Variants in PSPC1 observed in about 807,000 individuals in gnomAD.
PSPC1 encodes the protein paraspeckle component 1, also known as paraspeckle protein 1.
Under a neutral mutation model 51.6 loss-of-function variants are expected in PSPC1, and 14 were observed. The ratio of observed to expected loss-of-function variants is 0.27; its 90% CI spans 0.18 to 0.42. The LOEUF (loss-of-function observed/expected upper bound fraction) is 0.42, where lower values mean the gene tolerates loss of function less well. Among genes scored for constraint, PSPC1 ranks in the 10% least tolerant of loss-of-function variants. The pLI is 1.00. For missense variants in PSPC1, 406 were observed against 701.1 expected (o/e 0.58, Z 4.75); for synonymous variants, 193 against 231.9 (o/e 0.83, Z 1.53).
At chr13:19,768,512 G>A (rs764129551) in intron 2 of PSPC1, among the ~76,000 whole-genome samples, 4 of 150,792 alleles carry the variant, frequency 2.7e-5, no homozygotes, top group Non-Finnish European at 5.9e-5. Flanking sequence ...GCCGGACATG[G>A]TGGCTGGCGC....
chr13:19,746,760 C>A (rs1481259722), intron 4 of PSPC1, among the ~76,000 whole-genome samples: 1 of 151,798 alleles, frequency 6.6e-6, no homozygotes, highest in Non-Finnish European at 1.5e-5. Context: ...AAATAATTAT[C>A]AGTAAAGTAT....
At chr13:19,679,391 C>T (rs763846292) in intron 6 of PSPC1, among the ~76,000 whole-genome samples, 1 of 152,090 alleles carries the variant, frequency 6.6e-6, no homozygotes, top group Non-Finnish European at 1.5e-5. Context: ...AACTAATTGG[C>T]AGGCTGAAGC....
intron 3 of PSPC1, among the ~76,000 whole-genome samples, chr13:19,751,704 T>C (rs1039186148): frequency 6.6e-6 from 1 of 152,208 alleles, no homozygotes; most frequent in Non-Finnish European, 1.5e-5. Context: ...TGCATTCTCC[T>C]AATTATTACC....
rs1392154840 is a variant in PSPC1, at chr13:19,709,536, C to T, written c.1216+6G>A. On this transcript the variant is annotated splice_donor_region_variant and intron_variant, in intron 7 of 8. Coordinates refer to ENST00000338910, the MANE Select transcript of PSPC1 (RefSeq NM_001354909.2). ...ATTACAAAAGCCTTTTGCTTCAAAT[C>T]CCTACCTCCCATGTTTATTGCTCCA... The T allele has an allele frequency of 6.2e-7, 1 of 1,609,692 alleles. No homozygotes were observed. Among genetic ancestry groups the T allele is most frequent in the African/African-American group, 1.3e-5 (1 of 74,616 alleles).
chr13:19,765,362 T>C (rs9508879), intron 2 of PSPC1, among the ~76,000 whole-genome samples: 92,774 of 145,832 alleles, frequency 0.64, 33,063 homozygotes, highest in East Asian at 0.89. Flanking sequence ...TTATTATTAT[T>C]ATTACCAGGA....
intron 3 of PSPC1, among the ~76,000 whole-genome samples, chr13:19,751,993 G>C (rs1413377253): frequency 6.6e-6 from 1 of 152,188 alleles, no homozygotes; most frequent in Non-Finnish European, 1.5e-5. Flanking sequence ...AGGAGGCAGA[G>C]CTTATAGTGA....
chr13:19,743,800 A>G (rs1885673692), intron 4 of PSPC1, among the ~76,000 whole-genome samples: 1 of 152,152 alleles, frequency 6.6e-6, no homozygotes, highest in Non-Finnish European at 1.5e-5. Context: ...TTAAATACTC[A>G]TTAGAATTAC....
downstream of PSPC1, chr13:19,671,264 G>A: frequency 3.1e-6 from 5 of 1,613,798 alleles, no homozygotes; most frequent in Non-Finnish European, 4.2e-6. Context: ...CTCTTCATAA[G>A]GTTGACAGAA....
chr13:19,764,682 T>TAAAA (rs68143550), intron 2 of PSPC1, among the ~76,000 whole-genome samples: 9,934 of 78,198 alleles, frequency 0.13, 820 homozygotes, highest in Middle Eastern at 0.19. Context: ...GAACTTGCCT[T>TAAAA]AAAAAAAAAA....
At chr13:19,765,023 G>C (rs146624643) in intron 2 of PSPC1, among the ~76,000 whole-genome samples, 49 of 152,060 alleles carry the variant, frequency 3.2e-4, no homozygotes, top group African/African-American at 1.1e-3. Flanking sequence ...CACCCTTATA[G>C]ACATGTACCA....
At chr13:19,767,919 G>A (rs556041979) in intron 2 of PSPC1, among the ~76,000 whole-genome samples, 1 of 152,234 alleles carries the variant, frequency 6.6e-6, no homozygotes, top group South Asian at 2.1e-4. Flanking sequence ...GAGGGTCACT[G>A]TTAAAGTTAA....
chr13:19,761,031 A>G (rs1056487878), intron 2 of PSPC1, among the ~76,000 whole-genome samples: 2 of 151,906 alleles, frequency 1.3e-5, no homozygotes, highest in Admixed American at 6.6e-5. Context: ...GGTAGCATAC[A>G]CTACTCAGGA....
chr13:19,758,758 C>A (rs1433420247), intron 3 of PSPC1, among the ~76,000 whole-genome samples: 1 of 151,552 alleles, frequency 6.6e-6, no homozygotes, highest in African/African-American at 2.4e-5. Context: ...TTGCTTGAAC[C>A]TGGGAGGTGG....
chr13:19,773,649 G>GT lies in PSPC1; in HGVS notation c.373-1107dup, dbSNP rs1446235727. Among the ~76,000 whole-genome samples the GT allele has an allele frequency of 5.1e-3, 760 of 150,302 alleles. 9 individuals carry two copies. The highest frequency in any genetic ancestry group is 0.017 in the African/African-American group (715 of 40,972). On this transcript the variant is annotated intron_variant, in intron 1 of 8. Coordinates refer to ENST00000338910, the MANE Select transcript of PSPC1 (RefSeq NM_001354909.2). ...ATATGTAAAAACTGTTAGTTCTTGG[G>GT]TTTTTTTTTCAGGGGAGGGAGGTGT...
chr13:19,766,718 G>C (rs1450800384), intron 2 of PSPC1, among the ~76,000 whole-genome samples: 1 of 151,972 alleles, frequency 6.6e-6, no homozygotes, highest in Non-Finnish European at 1.5e-5. Flanking sequence ...AACTGGGTGT[G>C]GTGGTGCATG....
At chr13:19,704,816 C>T (rs1300116704) in intron 8 of PSPC1, among the ~76,000 whole-genome samples, 14 of 150,088 alleles carry the variant, frequency 9.3e-5, no homozygotes, top group South Asian at 2.1e-4. Flanking sequence ...CAGATCAAGA[C>T]AAAAAACTGT....
intron 7 of PSPC1, among the ~76,000 whole-genome samples, chr13:19,706,969 T>C (rs1880757064): frequency 6.6e-6 from 1 of 152,154 alleles, no homozygotes; most frequent in African/African-American, 2.4e-5. Flanking sequence ...ATAAACAGAC[T>C]TTAACCAAGA....
intron 2 of PSPC1, among the ~76,000 whole-genome samples, chr13:19,769,327 A>G (rs7993985): frequency 0.8 from 121,236 of 151,090 alleles, 50,012 homozygotes; most frequent in East Asian, 0.96. Context: ...AGGCCGAGGC[A>G]GGTGGATCAC....
intron 6 of PSPC1, among the ~76,000 whole-genome samples, chr13:19,696,821 TCTG>T (rs1419151637): frequency 2.0e-4 from 31 of 152,336 alleles, no homozygotes; most frequent in African/African-American, 7.5e-4. Context: ...ATGCTGAGAA[TCTG>T]CTAAGAGGAA....
Sources: allele counts gnomAD v4.1 joint callset (sites outside exome capture counted in the v4.1 genomes callset), GRCh38; gene constraint gnomAD v4.1.1; transcripts MANE v1.5; gene names NCBI Gene and HGNC (gene_info 2026-07-23, HGNC 2026-07-21).